Variants in VPS54 observed in about 807,000 individuals in gnomAD.
The protein encoded by VPS54 is vacuolar protein sorting-associated protein 54.
A neutral mutation model predicts 121.5 loss-of-function variants in VPS54; 45 were observed. The ratio of observed to expected loss-of-function variants is 0.37; its 90% CI spans 0.29 to 0.47. The LOEUF (loss-of-function observed/expected upper bound fraction) is 0.47. Among genes scored for constraint, VPS54 ranks in the 20% least tolerant of loss-of-function variants. The pLI is 0.99. For synonymous variants in VPS54, 371 were observed against 385.8 expected, an observed-to-expected ratio of 0.96 and a Z score of 0.45; for missense variants, 1,090 against 1,131.4, an observed-to-expected ratio of 0.96 and a Z score of 0.52.
intron 9 of VPS54, among the ~76,000 whole-genome samples, chr2:63,946,373 T>C (rs911798372): frequency 5.3e-5 from 8 of 152,146 alleles, no homozygotes; most frequent in Non-Finnish European, 1.2e-4. Flanking sequence ...TGAACTTATA[T>C]ACATATTTCT....
chr2:64,016,754 G>A (rs1287000648), intron 1 of VPS54, among the ~76,000 whole-genome samples: 2 of 151,698 alleles, frequency 1.3e-5, no homozygotes, highest in African/African-American at 4.8e-5. Flanking sequence ...GATGACAGGC[G>A]CTCACCCCCA....
At position 63,956,653 on chromosome 2, in the gene VPS54, T is replaced by A. The variant is rs561550126; in HGVS notation, c.1010+5405A>T. Among the ~76,000 whole-genome samples, 7 of 152,330 alleles carry A rather than the reference T, an allele frequency of 4.6e-5. No homozygotes were observed. The South Asian group carries it at 6.2e-4, about 14-fold the overall frequency. ...TACTGTACTGTTACTTAACTTGCTA[T>A]ATGACCTCAGTTTTCCTATCTGTAA... On this transcript the variant is annotated intron_variant, in intron 7 of 22. Coordinates refer to ENST00000272322, the MANE Select transcript of VPS54 (RefSeq NM_016516.3).
chr2:63,928,737 C>T (rs143438155), intron 12 of VPS54, among the ~76,000 whole-genome samples: 2,417 of 151,564 alleles, frequency 0.016, 25 homozygotes, highest in Non-Finnish European at 0.026. Flanking sequence ...GAGTCAAGAC[C>T]CATCGGTGTG....
chr2:63,938,056 TGTG>T (rs771062045), intron 11 of VPS54, among the ~76,000 whole-genome samples: 61 of 81,760 alleles, frequency 7.5e-4, no homozygotes, highest in African/African-American at 2.0e-3. Context: ...GTGTGGTGTG[TGTG>T]GTGTGTGTGT....
intron 22 of VPS54, among the ~76,000 whole-genome samples, chr2:63,895,652 CAAAA>C (rs1199963068): frequency 3.9e-5 from 6 of 152,090 alleles, no homozygotes; most frequent in Middle Eastern, 3.4e-3. Flanking sequence ...AATTTCACCT[CAAAA>C]AAAGTCAAAA....
intron 1 of VPS54, among the ~76,000 whole-genome samples, chr2:64,018,369 G>C (rs114224541): frequency 0.025 from 3,762 of 152,232 alleles, 153 homozygotes; most frequent in African/African-American, 0.086. Flanking sequence ...AGTCAACGAC[G>C]GGAGAGCAGA....
At chr2:63,949,932 C>T (rs1675161141) in intron 7 of VPS54, among the ~76,000 whole-genome samples, 1 of 152,168 alleles carries the variant, frequency 6.6e-6, no homozygotes, top group African/African-American at 2.4e-5. Flanking sequence ...ACTCTGCTGC[C>T]AGATTGTCTA....
chr2:63,912,514 C>A, intron 19 of VPS54, 26 bp downstream of exon 19: 4 of 1,611,380 alleles, frequency 2.5e-6, no homozygotes, highest in Non-Finnish European at 3.4e-6. Context: ...TTATGAAACG[C>A]CAATAGAAAA....
intron 1 of VPS54, among the ~76,000 whole-genome samples, chr2:63,996,035 T>C (rs1677569489): frequency 6.6e-6 from 1 of 152,152 alleles, no homozygotes; most frequent in Non-Finnish European, 1.5e-5. Flanking sequence ...AATCGGCTTG[T>C]CTTTAGTGTG....
intron 12 of VPS54, among the ~76,000 whole-genome samples, chr2:63,925,596 C>T (rs965441863): frequency 6.6e-6 from 1 of 152,176 alleles, no homozygotes; most frequent in African/African-American, 2.4e-5. Flanking sequence ...TAACCCAAAT[C>T]TTATCAAAAG....
At chr2:63,993,610 G>A (rs868076257) in intron 1 of VPS54, among the ~76,000 whole-genome samples, 3 of 152,170 alleles carry the variant, frequency 2.0e-5, no homozygotes, top group Non-Finnish European at 4.4e-5. Flanking sequence ...GATTTGATCC[G>A]AATTTAATTG....
intron 20 of VPS54, among the ~76,000 whole-genome samples, chr2:63,901,940 G>A (rs923845826): frequency 4.6e-5 from 7 of 152,184 alleles, no homozygotes; most frequent in East Asian, 3.9e-4. Context: ...GCTTGAACCC[G>A]GGAGGCAGAA....
intron 1 of VPS54, among the ~76,000 whole-genome samples, chr2:64,014,951 G>C (rs191916412): frequency 6.6e-6 from 1 of 152,000 alleles, no homozygotes; most frequent in Non-Finnish European, 1.5e-5. Flanking sequence ...CTAAAGTGGA[G>C]CTCATAGGGG....
At chr2:64,011,867 T>C (rs988662197) in intron 1 of VPS54, among the ~76,000 whole-genome samples, 2 of 152,156 alleles carry the variant, frequency 1.3e-5, no homozygotes, top group African/African-American at 4.8e-5. Context: ...ATATAAACTA[T>C]TAGATACTTA....
rs994951629 is a variant in VPS54, at chr2:64,019,368, C to G, written c.-451G>C. On this transcript the variant is annotated 5_prime_UTR_variant, in exon 1 of 23. Transcript: ENST00000272322. ...CCTCACCCCGCCGGCCCAGCCGGCTCGGCCCGGTCGGGTGCGGGGAGACAG... is the reference window on the plus strand; with the variant it reads ...CCTCACCCCGCCGGCCCAGCCGGCTGGGCCCGGTCGGGTGCGGGGAGACAG... 6.6e-6 allele frequency among the ~76,000 whole-genome samples: 1 copy of G among 151,014 alleles called. No individual in the cohort carries two copies. Among genetic ancestry groups the G allele is most frequent in the East Asian group, 1.9e-4 (1 of 5,152 alleles).
At chr2:63,948,588 A>T (rs894021458) in intron 8 of VPS54, among the ~76,000 whole-genome samples, 1 of 151,168 alleles carries the variant, frequency 6.6e-6, no homozygotes, top group Non-Finnish European at 1.5e-5. Context: ...TTTCGTAGAG[A>T]TGGAGTCTCC....
At chr2:63,996,045 G>C (rs1314586318) in intron 1 of VPS54, among the ~76,000 whole-genome samples, 1 of 152,144 alleles carries the variant, frequency 6.6e-6, no homozygotes, top group Non-Finnish European at 1.5e-5. Flanking sequence ...TCTTTAGTGT[G>C]CTGGACCAGT....
chr2:63,943,730 T>TCTTTCTTTC (rs70965153), intron 10 of VPS54, among the ~76,000 whole-genome samples: 1 of 137,414 alleles, frequency 7.3e-6, no homozygotes, highest in East Asian at 2.0e-4. Flanking sequence ...TTTCTTTCTT[T>TCTTTCTTTC]TTTTTTTTTT....
At chr2:63,917,017 G>C (rs1673412412) in intron 15 of VPS54, 54 bp from the exon 16 acceptor site, 2 of 1,576,044 alleles carry the variant, frequency 1.3e-6, no homozygotes, top group East Asian at 2.2e-5. Context: ...AAACAAAATA[G>C]AGAAAAAGCT....
Sources: gnomAD v4.1 joint callset for allele counts (sites outside exome capture counted in the v4.1 genomes callset) on GRCh38, gnomAD v4.1.1 for gene constraint, MANE v1.5 for transcripts, NCBI Gene and HGNC (gene_info 2026-07-23, HGNC 2026-07-21) for gene names.